The following PRKG2 variants were observed in gnomAD, a reference collection of about 807,000 sequenced individuals.
PRKG2 encodes the protein protein kinase cGMP-dependent 2.
Under a neutral mutation model 97.2 loss-of-function variants are expected in PRKG2, and 33 were observed. The ratio of observed to expected loss-of-function variants is 0.34; its 90% confidence interval spans 0.26 to 0.45. PRKG2 has a LOEUF of 0.45. PRKG2 is among the 20% of genes least tolerant of loss of function. The probability of loss-of-function intolerance (pLI) is 1.00; values close to 1 mark genes in which losing one functional copy is unlikely to be tolerated. For missense variants in PRKG2, 638 were observed against 900.0 expected (o/e 0.71, Z 3.73); for synonymous variants, 330 against 321.8 (o/e 1.03, Z -0.27).
At chr4:81,118,223 T>C (rs1744742391) in intron 14 of PRKG2, among the ~76,000 whole-genome samples, 1 of 152,236 alleles carries the variant, frequency 6.6e-6, no homozygotes, top group Non-Finnish European at 1.5e-5. Context: ...TTTAGCACTG[T>C]TTACCCATTC....
chr4:81,198,822 C>T (rs971235787), intron 2 of PRKG2, among the ~76,000 whole-genome samples: 1 of 152,154 alleles, frequency 6.6e-6, no homozygotes, highest in Non-Finnish European at 1.5e-5. Flanking sequence ...TTCATCCCAT[C>T]GCTGAGTAGC....
At chr4:81,217,031 G>GTGTATATATATATA (rs1553933203), upstream of PRKG2, among the ~76,000 whole-genome samples, 2 of 115,296 alleles carry the variant, frequency 1.7e-5, no homozygotes, top group Admixed American at 8.8e-5. Context: ...TATATATTTT[G>GTGTATATATATATA]TATATATATA....
At chr4:81,197,190 C>A (rs1421264919) in intron 2 of PRKG2, among the ~76,000 whole-genome samples, 1 of 152,130 alleles carries the variant, frequency 6.6e-6, no homozygotes, top group Non-Finnish European at 1.5e-5. Flanking sequence ...CCACTGTCTT[C>A]TCAATGACGC....
At chr4:81,201,582 C>T (rs1160488092) in intron 2 of PRKG2, among the ~76,000 whole-genome samples, 2 of 152,164 alleles carry the variant, frequency 1.3e-5, no homozygotes, top group African/African-American at 2.4e-5. Context: ...CTGGCATGAG[C>T]TGGTGGTGCC....
intron 17 of PRKG2, among the ~76,000 whole-genome samples, chr4:81,098,460 T>C (rs1010625227): frequency 2.6e-5 from 4 of 152,314 alleles, no homozygotes; most frequent in Middle Eastern, 3.4e-3. Context: ...ACTTGACTAA[T>C]TGGCACAGGA....
intron 6 of PRKG2, among the ~76,000 whole-genome samples, chr4:81,165,234 A>G (rs1240573278): frequency 2.0e-5 from 3 of 152,104 alleles, no homozygotes; most frequent in Non-Finnish European, 4.4e-5. Flanking sequence ...ACATTGCACA[A>G]TCAGGGCCAT....
intron 6 of PRKG2, among the ~76,000 whole-genome samples, chr4:81,158,771 T>C (rs372086728): frequency 1.3e-5 from 2 of 152,132 alleles, no homozygotes; most frequent in East Asian, 3.9e-4. Context: ...TGGAACAGAA[T>C]AGAGCCCTCA....
intron 6 of PRKG2, among the ~76,000 whole-genome samples, chr4:81,156,722 C>G (rs1322638377): frequency 6.6e-6 from 1 of 152,170 alleles, no homozygotes; most frequent in Admixed American, 6.5e-5. Flanking sequence ...GAAATTATAA[C>G]AAACTATCTC....
chr4:81,156,119 A>T (rs993175848), intron 6 of PRKG2, among the ~76,000 whole-genome samples: 2 of 152,250 alleles, frequency 1.3e-5, no homozygotes, highest in African/African-American at 4.8e-5. Context: ...GCTCCAATTA[A>T]AAGACACAGA....
intron 1 of PRKG2, among the ~76,000 whole-genome samples, chr4:81,208,217 C>T (rs917408581): frequency 2.6e-5 from 4 of 152,194 alleles, no homozygotes; most frequent in African/African-American, 2.4e-5. Context: ...ATATCCATCT[C>T]GTAGGGTTAC....
At chr4:81,129,886 G>A (rs774266616) in intron 14 of PRKG2, among the ~76,000 whole-genome samples, 15 of 152,154 alleles carry the variant, frequency 9.9e-5, no homozygotes, top group Non-Finnish European at 1.8e-4. Flanking sequence ...GATGATAGCT[G>A]CTTATTTTGC....
rs3796804 is a variant in PRKG2 at position 81,088,553 on chromosome 4, G to T, written c.*1155C>A. 0.26 allele frequency: 39,717 copies of T among 151,902 alleles called. 9,883 individuals are homozygous for T. The highest frequency in any genetic ancestry group is 0.64 in the African/African-American group (26,607 of 41,368). The allele number at this position is 151,902 out of a possible 1,614,324, so 9.4% of individuals were successfully genotyped here. A position where few individuals can be genotyped will look rare whatever the true frequency, so the allele number is the denominator to read the frequency against. Reference sequence around the variant, plus strand: ...ACTATCCTACTTATTATTTGGGAGAGTGCAAGGAAGGGATAGGAGGGATGC... The same window carrying T: ...ACTATCCTACTTATTATTTGGGAGATTGCAAGGAAGGGATAGGAGGGATGC... On this transcript the variant is annotated 3_prime_UTR_variant, in exon 19 of 19. Transcript: ENST00000264399.
Position 81,089,496 on chromosome 4 carries a change from T to G in PRKG2, c.*212A>C, listed in dbSNP as rs1003646188. The G allele has an allele frequency of 4.6e-6, 2 of 436,312 alleles. No individual in the cohort carries two copies. Among genetic ancestry groups the G allele is most frequent in the Non-Finnish European group, 8.0e-6 (2 of 248,676 alleles). 27.0% of individuals were successfully genotyped at this position (436,312 alleles called of 1,614,324 possible). A position where few individuals can be genotyped will look rare whatever the true frequency, so the allele number is the denominator to read the frequency against. Reference sequence around the variant, plus strand: ...TCTAGCAGTTGAGAAAAGCAAATAATGTAATACATCAATAATTCACAGCAT... The same window carrying G: ...TCTAGCAGTTGAGAAAAGCAAATAAGGTAATACATCAATAATTCACAGCAT... On this transcript the variant is annotated 3_prime_UTR_variant, in exon 19 of 19. Transcript: ENST00000264399.
chr4:81,193,923 T>C (rs948780913), intron 2 of PRKG2, among the ~76,000 whole-genome samples: 20 of 152,138 alleles, frequency 1.3e-4, no homozygotes, highest in African/African-American at 4.6e-4. Context: ...TTCAAAATGG[T>C]AATGCTCCTT....
chr4:81,207,798 C>G (rs1753760284), intron 1 of PRKG2, among the ~76,000 whole-genome samples: 2 of 152,170 alleles, frequency 1.3e-5, no homozygotes, highest in African/African-American at 2.4e-5. Context: ...CTAAATGGCT[C>G]AATACTAGTC....
At chr4:81,211,652 A>G (rs1221831491) in intron 1 of PRKG2, among the ~76,000 whole-genome samples, 1 of 152,200 alleles carries the variant, frequency 6.6e-6, no homozygotes, top group African/African-American at 2.4e-5. Context: ...CTATTGCACC[A>G]ATCCAAATAG....
chr4:81,114,413 T>C lies in PRKG2; in HGVS notation c.1777-3802A>G, dbSNP rs112473649. Among the ~76,000 whole-genome samples the C allele has an allele frequency of 4.5e-4, 68 of 152,246 alleles. 1 individual carries two copies. Among genetic ancestry groups the C allele is most frequent in the African/African-American group, 1.6e-3 (67 of 41,544 alleles). On this transcript the variant is annotated intron_variant, in intron 14 of 18. Coordinates refer to ENST00000264399, the MANE Select transcript of PRKG2 (RefSeq NM_006259.3). ...TTTAGGAAGGTCATGGATACTTGTCTATAGTAAAATTTGAACCAGGTTCAA... is the reference window on the plus strand; with the variant it reads ...TTTAGGAAGGTCATGGATACTTGTCCATAGTAAAATTTGAACCAGGTTCAA...
At chr4:81,164,614 A>T (rs189068984) in intron 6 of PRKG2, among the ~76,000 whole-genome samples, 1 of 152,144 alleles carries the variant, frequency 6.6e-6, no homozygotes, top group South Asian at 2.1e-4. Flanking sequence ...AATAAGCATA[A>T]AAATCCCACC....
intron 10 of PRKG2, among the ~76,000 whole-genome samples, chr4:81,143,460 T>C (rs553505166): frequency 1.3e-5 from 2 of 152,314 alleles, no homozygotes; most frequent in South Asian, 2.1e-4. Context: ...CCAAAATAAC[T>C]GCTTTGTGAA....
Sources: allele counts gnomAD v4.1 joint callset (sites outside exome capture counted in the v4.1 genomes callset), GRCh38; gene constraint gnomAD v4.1.1; transcripts MANE v1.5; gene names NCBI Gene and HGNC (gene_info 2026-07-23, HGNC 2026-07-21).